The following BICRA variants were observed in gnomAD, a reference collection of about 807,000 sequenced individuals.
The protein encoded by BICRA is BRD4 interacting chromatin remodeling complex associated protein, also known as BRD4-interacting chromatin-remodeling complex-associated protein.
A neutral mutation model predicts 96.9 loss-of-function variants in BICRA; 31 were observed. The observed-to-expected ratio is 0.32, with a 90% CI of 0.24 to 0.43. The LOEUF (loss-of-function observed/expected upper bound fraction) is 0.43, where lower values mean the gene tolerates loss of function less well. Ranked by LOEUF, BICRA falls within the 20% of genes least tolerant of loss-of-function variation. The pLI, the probability that BICRA is intolerant of heterozygous loss-of-function variation, is 1.00. For synonymous variants in BICRA, 1,350 were observed against 1,071.8 expected, an observed-to-expected ratio of 1.26 and a Z score of -5.07; for missense variants, 2,283 against 2,190.3, an observed-to-expected ratio of 1.04 and a Z score of -0.84.
At position 47,680,156 on chromosome 19, in the gene BICRA, C is replaced by T. The variant is rs1253875130; in HGVS notation, c.986C>T (p.Pro329Leu). Residue 329 changes from proline to leucine, a missense_variant, in exon 6 of 15, where the codon CCA becomes CTA. Transcript: ENST00000594866. ...TPSGQPLAVA[P>L]GLGSSPLVPA... is the part of the protein sequence containing the mutation. ...TCGGGACAGCCGCTGGCGGTGGCCC[C>T]AGGCCTCGGCTCGTCGCCACTGGTC... 1 of 1,530,572 alleles carries T rather than the reference C, an allele frequency of 6.5e-7. No individual in the cohort carries two copies. Among genetic ancestry groups the T allele is most frequent in the South Asian group, 1.2e-5 (1 of 82,438 alleles). The allele number at this position is 1,530,572 out of a possible 1,614,324, so 94.8% of individuals were successfully genotyped here.
intron 1 of BICRA, among the ~76,000 whole-genome samples, chr19:47,646,758 C>T (rs1214767347): frequency 6.6e-6 from 1 of 152,098 alleles, no homozygotes; most frequent in Non-Finnish European, 1.5e-5. Flanking sequence ...AAGTAACACT[C>T]TCACACACAG....
rs762306779 is a variant in BICRA, at chr19:47,694,582, C to A, written c.2751C>A (p.His917Gln). 1 of 1,599,860 alleles carries A rather than the reference C, an allele frequency of 6.3e-7. No homozygotes were observed. The highest frequency in any genetic ancestry group is 8.6e-7 in the Non-Finnish European group (1 of 1,168,350). The change falls in exon 8 of 15, where the codon CAC becomes CAA. Residue 917 changes from histidine (H) to glutamine (Q), a missense_variant. His to Gln is a conservative substitution (Grantham distance 24). Coordinates refer to ENST00000594866, the MANE Select transcript of BICRA (RefSeq NM_001394372.1). ...AGTTCCCACCCAGCCAGGGGCCCCA[C>A]AAGTCCCCCACTCCCCCTCCAACCC... is the stretch of plus-strand genomic sequence containing the variant. ...QLQFPPSQGP[H>Q]KSPTPPPTLH...
Position 47,694,430 on chromosome 19 carries a change from C to T in BICRA, c.2599C>T (p.Gln867Ter). 9.0e-7 allele frequency: 1 copy of T among 1,108,182 alleles called. No individual in the cohort carries two copies. The highest frequency in any genetic ancestry group is 1.4e-6 in the Non-Finnish European group (1 of 739,150). 68.6% of individuals were successfully genotyped at this position (1,108,182 alleles called of 1,614,324 possible). The change falls in exon 8 of 15, where the codon CAG becomes TAG. Residue 867 changes from glutamine (Q) to a stop codon, truncating the protein, a stop_gained. Transcript: ENST00000594866. LOFTEE classifies it high-confidence loss of function. Reference sequence around the variant, plus strand: ...GCAGCCGCCTCTCCGCCCCCAGTCCCAGCCGCCTGAGGGACCGCTGCCCCC... The same window carrying T: ...GCAGCCGCCTCTCCGCCCCCAGTCCTAGCCGCCTGAGGGACCGCTGCCCCC... ...PPQPPLRPQSQPPEGPLPPAP... is the reference protein window; with the variant it reads ...PPQPPLRPQS
At chr19:47,617,053 C>T (rs973915624) in intron 1 of BICRA, among the ~76,000 whole-genome samples, 2 of 147,542 alleles carry the variant, frequency 1.4e-5, no homozygotes, top group African/African-American at 5.0e-5. Context: ...GTCTCGAACT[C>T]CTGGACTCAA....
intron 1 of BICRA, among the ~76,000 whole-genome samples, chr19:47,610,176 G>C (rs938676770): frequency 6.6e-6 from 1 of 152,226 alleles, no homozygotes; most frequent in Admixed American, 6.5e-5. Context: ...CAGCCAGGCC[G>C]CGGGCACCCG....
Position 47,645,617 on chromosome 19 carries a change from T to C in BICRA, c.-107-24826T>C, listed in dbSNP as rs554365863. Among the ~76,000 whole-genome samples, 51 of 152,200 alleles carry C rather than the reference T, an allele frequency of 3.4e-4. 1 individual carries two copies. The highest frequency in any genetic ancestry group is 4.4e-4 in the Non-Finnish European group (30 of 68,034). On this transcript the variant is annotated intron_variant, in intron 1 of 14. Transcript: ENST00000594866. ...AAAGGGGAGGGAGCAAAAAAGAAAC[T>C]GGAATATACAAAGTTCCAAAAACGC... is the stretch of plus-strand genomic sequence containing the variant.
chr19:47,693,706 G>A (rs541915301), intron 7 of BICRA, among the ~76,000 whole-genome samples: 3 of 152,298 alleles, frequency 2.0e-5, no homozygotes, highest in South Asian at 2.1e-4. Context: ...CTCGCCGCCC[G>A]GCCCTCCTGC....
In BICRA at chr19:47,698,585, G is replaced by A. The variant is rs1359533027; in HGVS notation, c.3249-49G>A. On this transcript the variant is annotated intron_variant, in intron 11 of 14. Transcript: ENST00000594866. The surrounding 1 kb of genome is among the most constrained non-coding windows in gnomAD (Gnocchi z 4.8). ...CAGGGACTTCCCCTGGCCCTCACCCGTCCCCCCCACCCTCCGCCGTGTGTG... is the reference window on the plus strand; with the variant it reads ...CAGGGACTTCCCCTGGCCCTCACCCATCCCCCCCACCCTCCGCCGTGTGTG... The A allele has an allele frequency of 1.8e-6, 1 of 549,048 alleles. No homozygotes were observed. The allele number at this position is 549,048 out of a possible 1,614,324, so 34.0% of individuals were successfully genotyped here.
rs73943837 is a variant in BICRA, at chr19:47,649,678, C to T, written c.-107-20765C>T. On this transcript the variant is annotated intron_variant, in intron 1 of 14. Transcript: ENST00000594866. The stretch of plus-strand genomic sequence containing the variant: ...AAGACATGGTATGAGGTCGATATGG[C>T]CAATGGTCAGATTTGTGGGGAAACA... Among the ~76,000 whole-genome samples, 1,088 of 152,202 alleles carry T rather than the reference C, an allele frequency of 7.1e-3. 21 individuals carry two copies. The highest frequency in any genetic ancestry group is 0.024 in the African/African-American group (1,015 of 41,538).
intron 1 of BICRA, among the ~76,000 whole-genome samples, chr19:47,638,149 C>G (rs1972327962): frequency 6.6e-6 from 1 of 152,150 alleles, no homozygotes; most frequent in South Asian, 2.1e-4. Flanking sequence ...GTATCTCCCC[C>G]TCCCCCAGCC....
chr19:47,611,420 GCC>G (rs1339977372), intron 1 of BICRA, among the ~76,000 whole-genome samples: 1 of 152,104 alleles, frequency 6.6e-6, no homozygotes, highest in Non-Finnish European at 1.5e-5. Context: ...GGGAGGGGGA[GCC>G]CCAGGCCTGG....
rs200707344 is a variant in BICRA at position 47,612,518 on chromosome 19, ATTCCCC to A, written c.-108+3354_-108+3359del. On this transcript the variant is annotated intron_variant, in intron 1 of 14. Transcript: ENST00000594866. ...TGGGAAGGCCACCTGCAAACGAACA[ATTCCCC>A]TTCAGTGACACGCACCCTCTGAGCG... Among the ~76,000 whole-genome samples, 1,445 of 152,264 alleles carry A rather than the reference ATTCCCC, an allele frequency of 9.5e-3. 11 individuals are homozygous for A. The highest frequency in any genetic ancestry group is 0.061 in the Middle Eastern group (18 of 294).
intron 1 of BICRA, among the ~76,000 whole-genome samples, chr19:47,645,237 T>G (rs2123540608): frequency 6.6e-6 from 1 of 152,330 alleles, no homozygotes; most frequent in Middle Eastern, 3.4e-3. Context: ...CCTTTCTTTG[T>G]GTTTCATGAC....
At chr19:47,681,542 C>G (rs1973060537) in intron 6 of BICRA, among the ~76,000 whole-genome samples, 1 of 151,728 alleles carries the variant, frequency 6.6e-6, no homozygotes, top group Non-Finnish European at 1.5e-5. Flanking sequence ...GACTGGCAGA[C>G]AGACAGACAA....
intron 7 of BICRA, among the ~76,000 whole-genome samples, chr19:47,683,190 C>T (rs897237590): frequency 5.9e-5 from 9 of 152,154 alleles, no homozygotes; most frequent in African/African-American, 2.2e-4. Context: ...ATTTTTATCT[C>T]TGACAGACAT....
At chr19:47,696,198 G>A (rs73567870) in intron 10 of BICRA, among the ~76,000 whole-genome samples, 38,923 of 151,980 alleles carry the variant, frequency 0.26, 5,283 homozygotes, top group African/African-American at 0.29. Flanking sequence ...GCGAGGGGAC[G>A]GAGGGAACCC....
At chr19:47,659,191 C>T (rs1003672140) in intron 1 of BICRA, among the ~76,000 whole-genome samples, 1 of 152,176 alleles carries the variant, frequency 6.6e-6, no homozygotes, top group Non-Finnish European at 1.5e-5. Context: ...AAGAGCCAGA[C>T]ATCAGTCGCT....
chr19:47,611,306 G>T (rs1169308586), intron 1 of BICRA, among the ~76,000 whole-genome samples: 4 of 152,170 alleles, frequency 2.6e-5, no homozygotes, highest in East Asian at 3.8e-4. Context: ...TTGAGAAGGG[G>T]TAAGATGCAC....
intron 1 of BICRA, among the ~76,000 whole-genome samples, chr19:47,669,339 G>T (rs1972828898): frequency 6.6e-6 from 1 of 152,082 alleles, no homozygotes; most frequent in South Asian, 2.1e-4. Flanking sequence ...TCAAGGTGAT[G>T]TATCGATTGA....
Sources: allele counts gnomAD v4.1 joint callset (sites outside exome capture counted in the v4.1 genomes callset), GRCh38; gene constraint gnomAD v4.1.1; non-coding constraint Gnocchi (gnomAD v3.1); transcripts MANE v1.5; gene names NCBI Gene and HGNC (gene_info 2026-07-23, HGNC 2026-07-21).